UBASH3B: variants seen among roughly 807,000 people sequenced by gnomAD.
UBASH3B encodes ubiquitin associated and SH3 domain containing B.
In UBASH3B, 37 loss-of-function variants were observed where a neutral mutation model predicts 83.4. That is an observed-to-expected ratio of 0.44 (90% confidence interval 0.34 to 0.58). The LOEUF is 0.58. UBASH3B is among the 20% of genes least tolerant of loss of function. The pLI is 0.01. For synonymous variants in UBASH3B, 304 were observed against 318.3 expected (o/e 0.96, Z 0.48); for missense variants, 657 against 827.2 (o/e 0.79, Z 2.52).
intron 7 of UBASH3B, among the ~76,000 whole-genome samples, chr11:122,795,389 A>G (rs1003848865): frequency 1.3e-5 from 2 of 152,202 alleles, no homozygotes; most frequent in African/African-American, 4.8e-5. Flanking sequence ...GGATCATGCC[A>G]CCGTTCCACA....
intron 1 of UBASH3B, among the ~76,000 whole-genome samples, chr11:122,676,384 C>A (rs945623601): frequency 6.6e-6 from 1 of 152,012 alleles, no homozygotes; most frequent in African/African-American, 2.4e-5. Flanking sequence ...ACTAAAAATA[C>A]AAAAATTAGC....
At chr11:122,798,078 G>T (rs11218820) in intron 9 of UBASH3B, among the ~76,000 whole-genome samples, 8,893 of 152,106 alleles carry the variant, frequency 0.058, 652 homozygotes, top group East Asian at 0.31. Context: ...GAGACCTGGA[G>T]TTCGAGGCTG....
At chr11:122,741,757 C>T (rs1359656243) in intron 1 of UBASH3B, among the ~76,000 whole-genome samples, 3 of 152,144 alleles carry the variant, frequency 2.0e-5, no homozygotes, top group African/African-American at 7.2e-5. Context: ...ACTTGGGTGG[C>T]CAGGCTGCTT....
chr11:122,786,270 C>T (rs1432797206), intron 5 of UBASH3B, among the ~76,000 whole-genome samples: 2 of 151,862 alleles, frequency 1.3e-5, no homozygotes, highest in Non-Finnish European at 2.9e-5. Context: ...AGGATGGTCT[C>T]GATCTCCTAA....
At chr11:122,704,693 A>G (rs1864092720) in intron 1 of UBASH3B, among the ~76,000 whole-genome samples, 1 of 152,074 alleles carries the variant, frequency 6.6e-6, no homozygotes, top group South Asian at 2.1e-4. Flanking sequence ...TACTTTTAGT[A>G]GAGACAGGGT....
chr11:122,734,507 T>A (rs914773435), intron 1 of UBASH3B, among the ~76,000 whole-genome samples: 1 of 152,092 alleles, frequency 6.6e-6, no homozygotes, highest in African/African-American at 2.4e-5. Context: ...GAACTGGCTG[T>A]CCAGAAAAGC....
intron 1 of UBASH3B, among the ~76,000 whole-genome samples, chr11:122,711,646 T>C (rs1864194044): frequency 6.6e-6 from 1 of 152,222 alleles, no homozygotes; most frequent in African/African-American, 2.4e-5. Context: ...TCATGCTGTG[T>C]AACGGGCACA....
chr11:122,703,363 G>C (rs903718883), intron 1 of UBASH3B, among the ~76,000 whole-genome samples: 1 of 151,906 alleles, frequency 6.6e-6, no homozygotes, highest in Non-Finnish European at 1.5e-5. Context: ...GGAGGCGGAG[G>C]TTGCAGTGGG....
rs1022555388 is a variant in UBASH3B at position 122,808,316 on chromosome 11, T to G, written c.1812+140T>G. The G allele has an allele frequency of 4.0e-6, 3 of 754,058 alleles. No homozygotes were observed. The African/African-American group carries it at 5.1e-5, about 13-fold the overall frequency. The allele number at this position is 754,058 out of a possible 1,614,324, so 46.7% of individuals were successfully genotyped here. On this transcript the variant is annotated intron_variant, in intron 13 of 13. Coordinates refer to ENST00000284273, the MANE Select transcript of UBASH3B (RefSeq NM_032873.5). The stretch of plus-strand genomic sequence containing the variant: ...CATTTATTGCTTCACTCAACCAAGA[T>G]GTATTGAGTGATACTCTGTGCAGGG...
chr11:122,808,992 G>C (rs1861390789), intron 13 of UBASH3B, among the ~76,000 whole-genome samples: 1 of 150,548 alleles, frequency 6.6e-6, no homozygotes, highest in Non-Finnish European at 1.5e-5. Flanking sequence ...AAAAACGGGT[G>C]AAACAAATTT....
intron 1 of UBASH3B, among the ~76,000 whole-genome samples, chr11:122,690,234 T>TATA: frequency 5.5e-5 from 4 of 73,030 alleles, no homozygotes; most frequent in Admixed American, 3.3e-4. Context: ...ATATATCCAA[T>TATA]TTTATATATA....
At chr11:122,715,095 A>G (rs548103040) in intron 1 of UBASH3B, among the ~76,000 whole-genome samples, 26 of 152,186 alleles carry the variant, frequency 1.7e-4, no homozygotes, top group Non-Finnish European at 3.1e-4. Flanking sequence ...ACAGGCGCCC[A>G]CTACCACACC....
intron 1 of UBASH3B, among the ~76,000 whole-genome samples, chr11:122,707,185 G>A (rs938368947): frequency 6.6e-6 from 1 of 152,080 alleles, no homozygotes; most frequent in African/African-American, 2.4e-5. Flanking sequence ...TTTTTCAAAG[G>A]ATATTGGTCC....
chr11:122,729,795 C>CAA (rs71054092), intron 1 of UBASH3B, among the ~76,000 whole-genome samples: 1,370 of 40,830 alleles, frequency 0.034, 87 homozygotes, highest in African/African-American at 0.095. Flanking sequence ...CCTATCTCTA[C>CAA]AAAAAAAAAA....
intron 1 of UBASH3B, among the ~76,000 whole-genome samples, chr11:122,749,793 C>T (rs938237645): frequency 6.6e-6 from 1 of 152,200 alleles, no homozygotes; most frequent in South Asian, 2.1e-4. Flanking sequence ...AATGCAGTGG[C>T]GCTTTCTCGG....
chr11:122,776,893 C>T (rs1832431902), intron 2 of UBASH3B, 131 bp from the exon 3 acceptor site: 1 of 776,210 alleles, frequency 1.3e-6, no homozygotes, highest in Admixed American at 3.3e-5. Flanking sequence ...ATTTTTAAAT[C>T]ATGAATGAAA....
At chr11:122,715,483 C>T (rs543976528) in intron 1 of UBASH3B, among the ~76,000 whole-genome samples, 1 of 152,302 alleles carries the variant, frequency 6.6e-6, no homozygotes, top group South Asian at 2.1e-4. Flanking sequence ...TCAATAGAAC[C>T]TCTGAGGCTG....
intron 1 of UBASH3B, among the ~76,000 whole-genome samples, chr11:122,730,103 T>C (rs1428172375): frequency 6.7e-6 from 1 of 149,562 alleles, no homozygotes; most frequent in Non-Finnish European, 1.5e-5. Flanking sequence ...CTGGCCAACA[T>C]GGCAAAACTC....
At position 122,767,470 on chromosome 11, in the gene UBASH3B, G is replaced by A. The variant is rs566681064; in HGVS notation, c.162-8749G>A. On this transcript the variant is annotated intron_variant, in intron 1 of 13. Coordinates refer to ENST00000284273, the MANE Select transcript of UBASH3B (RefSeq NM_032873.5). ...GGACTACAGGCATGTGCCACCATGC[G>A]TGGCCAATTTTTGTATTTTTTTAGT... Among the ~76,000 whole-genome samples the A allele has an allele frequency of 1.8e-4, 27 of 151,904 alleles. No homozygotes were observed. In the East Asian group the frequency reaches 4.1e-3, roughly 23 times the overall value.
Sources: allele counts gnomAD v4.1 joint callset (sites outside exome capture counted in the v4.1 genomes callset), GRCh38; gene constraint gnomAD v4.1.1; transcripts MANE v1.5; gene names NCBI Gene and HGNC (gene_info 2026-07-23, HGNC 2026-07-21).